Variants in TCF4 observed in about 807,000 individuals in gnomAD.
TCF4 encodes SL3-3 enhancer factor 2.
TCF4 carries 3 observed loss-of-function variants against 82.1 expected under a neutral mutation model. That is an observed-to-expected ratio of 0.04 (90% CI 0.02 to 0.09). TCF4 has a LOEUF of 0.09. Ranked by LOEUF, TCF4 falls within the 10% of genes least tolerant of loss-of-function variation. The pLI, the probability that TCF4 is intolerant of heterozygous loss-of-function variation, is 1.00. For missense variants in TCF4, 518 were observed against 852.7 expected, an observed-to-expected ratio of 0.61 and a Z score of 4.89; for synonymous variants, 276 against 309.6, an observed-to-expected ratio of 0.89 and a Z score of 1.14.
chr18:55,449,198 C>A (rs1168528697), intron 5 of TCF4, among the ~76,000 whole-genome samples: 1 of 151,856 alleles, frequency 6.6e-6, no homozygotes, highest in Non-Finnish European at 1.5e-5. Flanking sequence ...TATTGTGTAC[C>A]AGGTTGGGTT....
At chr18:55,503,803 T>C (rs1365872521) in intron 3 of TCF4, among the ~76,000 whole-genome samples, 2 of 152,158 alleles carry the variant, frequency 1.3e-5, no homozygotes, top group East Asian at 3.9e-4. Context: ...GGCCGGGCAC[T>C]GTGGCTCATA....
chr18:55,456,454 C>A (rs929721734), intron 5 of TCF4, among the ~76,000 whole-genome samples: 4 of 152,146 alleles, frequency 2.6e-5, no homozygotes, highest in Middle Eastern at 3.2e-3. Context: ...TAAGCTGTAG[C>A]CAAATGTACA....
chr18:55,334,414 T>G (rs560791039), intron 8 of TCF4, among the ~76,000 whole-genome samples: 1 of 152,100 alleles, frequency 6.6e-6, no homozygotes, highest in African/African-American at 2.4e-5. Context: ...CTGCCATAGT[T>G]TCTAATCAAA....
At chr18:55,456,122 G>A (rs776649925) in intron 5 of TCF4, among the ~76,000 whole-genome samples, 3 of 152,174 alleles carry the variant, frequency 2.0e-5, no homozygotes, top group Admixed American at 6.5e-5. Context: ...CTAGGCAAAC[G>A]GAGCGGTGGA....
chr18:55,578,096 T>A lies in TCF4; in HGVS notation c.145+7184A>T, dbSNP rs370150001. Among the ~76,000 whole-genome samples, 34 of 152,272 alleles carry A rather than the reference T, an allele frequency of 2.2e-4. No individual in the cohort carries two copies. In the East Asian group the frequency reaches 3.7e-3, roughly 16 times the overall value. On this transcript the variant is annotated intron_variant, in intron 3 of 19. Transcript: ENST00000354452. ...AAATTACAGCCCTGATATTTAATCA[T>A]GGGTCTTACTTTGTTATTTTTAATA... is the stretch of plus-strand genomic sequence containing the variant.
chr18:55,529,822 A>C (rs1298858707), intron 3 of TCF4, among the ~76,000 whole-genome samples: 1 of 152,112 alleles, frequency 6.6e-6, no homozygotes, highest in Non-Finnish European at 1.5e-5. Context: ...GAGGACACCA[A>C]CATTTTAAAT....
chr18:55,479,397 C>A (rs1425682536), intron 3 of TCF4: 1 of 154,120 alleles, frequency 6.5e-6, no homozygotes, highest in African/African-American at 2.4e-5. Context: ...AACTTGCAGG[C>A]CTCTGGTGTA....
intron 3 of TCF4, chr18:55,510,462 G>C: frequency 4.0e-6 from 3 of 748,204 alleles, no homozygotes; most frequent in Non-Finnish European, 3.8e-6. Flanking sequence ...AGAAGCCTTT[G>C]TAAAAACCCC....
At chr18:55,322,740 T>C (rs946186143) in intron 8 of TCF4, among the ~76,000 whole-genome samples, 2 of 152,202 alleles carry the variant, frequency 1.3e-5, no homozygotes, top group African/African-American at 2.4e-5. Flanking sequence ...CACTCTGGAG[T>C]TGGGTGCTTT....
At chr18:55,572,204 A>G (rs1284968311) in intron 3 of TCF4, among the ~76,000 whole-genome samples, 1 of 152,220 alleles carries the variant, frequency 6.6e-6, no homozygotes, top group Non-Finnish European at 1.5e-5. Context: ...ACTGACACAG[A>G]TATCAGGATC....
intron 14 of TCF4, among the ~76,000 whole-genome samples, chr18:55,257,047 G>C (rs954929066): frequency 1.3e-5 from 2 of 152,108 alleles, no homozygotes; most frequent in African/African-American, 4.8e-5. Flanking sequence ...CTTTCCTAGA[G>C]ATGGGGAGAA....
chr18:55,456,290 T>G (rs546813914), intron 5 of TCF4, among the ~76,000 whole-genome samples: 2 of 152,206 alleles, frequency 1.3e-5, no homozygotes, highest in Non-Finnish European at 2.9e-5. Flanking sequence ...AGAAAAATGT[T>G]CTGCTGAGCT....
chr18:55,585,893 T>C, intron 2 of TCF4: 1 of 1,222,184 alleles, frequency 8.2e-7, no homozygotes, highest in Non-Finnish European at 1.0e-6. Context: ...ACTCTCTCTT[T>C]CACTCCCTCT....
chr18:55,626,411 C>A (rs546752130), intron 2 of TCF4, among the ~76,000 whole-genome samples: 1 of 152,072 alleles, frequency 6.6e-6, no homozygotes. Context: ...AAAAAAAGTT[C>A]CTAGAGGTTG....
intron 6 of TCF4, among the ~76,000 whole-genome samples, chr18:55,363,314 T>G (rs1038213363): frequency 6.6e-6 from 1 of 152,152 alleles, no homozygotes; most frequent in Admixed American, 6.5e-5. Context: ...TAACTAAAGT[T>G]TGTTTAGCAT....
At chr18:55,402,495 GAAA>G (rs970205582) in intron 6 of TCF4, among the ~76,000 whole-genome samples, 1 of 142,514 alleles carries the variant, frequency 7.0e-6, no homozygotes, top group African/African-American at 2.6e-5. Context: ...TCCAGCATTT[GAAA>G]AAAAAAAAGT....
upstream of TCF4, chr18:55,588,202 G>A: frequency 7.8e-7 from 1 of 1,276,898 alleles, no homozygotes; most frequent in East Asian, 3.5e-5. Context: ...CAGACACACA[G>A]CCAAGATCCC....
intron 3 of TCF4, among the ~76,000 whole-genome samples, chr18:55,519,423 G>C (rs2096913860): frequency 7.1e-6 from 1 of 139,880 alleles, no homozygotes; most frequent in African/African-American, 2.6e-5. Context: ...AACAGAGTGA[G>C]ACCCCGTCTC....
intron 5 of TCF4, among the ~76,000 whole-genome samples, chr18:55,435,631 C>A (rs1569473081): frequency 6.6e-6 from 1 of 152,220 alleles, no homozygotes; most frequent in African/African-American, 2.4e-5. Context: ...TCCTCATACC[C>A]TTCCTCTTCC....
Sources: allele counts gnomAD v4.1 joint callset (sites outside exome capture counted in the v4.1 genomes callset), GRCh38; gene constraint gnomAD v4.1.1; transcripts MANE v1.5; gene names NCBI Gene and HGNC (gene_info 2026-07-23, HGNC 2026-07-21).